Variants in SWT1 observed in about 807,000 individuals in gnomAD.
SWT1 encodes the protein SWT1 RNA endoribonuclease homolog.
SWT1 carries 33 observed loss-of-function variants against 107.3 expected under a neutral mutation model. The observed-to-expected ratio is 0.31, with a 90% CI of 0.23 to 0.41. The LOEUF (loss-of-function observed/expected upper bound fraction) is 0.41. SWT1 is among the 10% of genes least tolerant of loss of function. The pLI, the probability that SWT1 is intolerant of heterozygous loss-of-function variation, is 1.00. For synonymous variants in SWT1, 345 were observed against 348.3 expected (o/e 0.99, Z 0.11); for missense variants, 898 against 1,028.9 (o/e 0.87, Z 1.74).
rs1655370973 is a variant in SWT1 at position 185,174,520 on chromosome 1, C to T, written c.373C>T (p.His125Tyr). The T allele has an allele frequency of 5.0e-6, 8 of 1,610,378 alleles. No individual in the cohort carries two copies. Among genetic ancestry groups the T allele is most frequent in the Non-Finnish European group, 6.8e-6 (8 of 1,178,776 alleles). The change falls in exon 5 of 19, where the codon CAT (histidine) becomes TAT (tyrosine). Residue 125 changes from histidine (H) to tyrosine (Y), a missense_variant. His to Tyr is a moderately conservative substitution (Grantham distance 83). Transcript: ENST00000367500. ...PSSNGTKKDIHKCVDFKPKDI... is the reference protein window; with the variant it reads ...PSSNGTKKDIYKCVDFKPKDI... ...TTCAAATGGAACTAAAAAAGACATACATAAATGTGTAGACTTTAAACCTAA... is the reference window on the plus strand; with the variant it reads ...TTCAAATGGAACTAAAAAAGACATATATAAATGTGTAGACTTTAAACCTAA...
At chr1:185,224,872 AGTT>A (rs1257638389) in intron 15 of SWT1, among the ~76,000 whole-genome samples, 2 of 152,130 alleles carry the variant, frequency 1.3e-5, no homozygotes, top group Admixed American at 1.3e-4. Context: ...GAGTCTTAAG[AGTT>A]TTCCATATAT....
chr1:185,265,271 C>G (rs1285235579), intron 16 of SWT1, among the ~76,000 whole-genome samples: 4 of 152,124 alleles, frequency 2.6e-5, no homozygotes, highest in Non-Finnish European at 5.9e-5. Flanking sequence ...ATTGTTCTTT[C>G]ACCATTTTAA....
rs775398982 is a variant in SWT1, at chr1:185,174,818, C to T, written c.671C>T (p.Pro224Leu). 10 of 1,613,612 alleles carry T rather than the reference C, an allele frequency of 6.2e-6. No homozygotes were observed. Among genetic ancestry groups the T allele is most frequent in the South Asian group, 1.1e-5 (1 of 90,942 alleles). The change falls in exon 5 of 19, where the codon CCC becomes CTC. Residue 224 changes from proline to leucine, a missense_variant. Pro to Leu is a moderately conservative substitution (Grantham distance 98). This residue lies in a region of SWT1 where 382 missense variants were observed against 362.4 expected (regional missense o/e 1.05). Coordinates refer to ENST00000367500, the MANE Select transcript of SWT1 (RefSeq NM_017673.7). ...DYNSNKIIKE[P>L]LGSRRQKISF... ...AACTCCAACAAGATAATTAAGGAACCCTTGGGATCTAGAAGACAGAAGATC... is the reference window on the plus strand; with the variant it reads ...AACTCCAACAAGATAATTAAGGAACTCTTGGGATCTAGAAGACAGAAGATC...
At chr1:185,256,905 T>C (rs554736629) in intron 16 of SWT1, among the ~76,000 whole-genome samples, 17 of 152,296 alleles carry the variant, frequency 1.1e-4, no homozygotes, top group Admixed American at 1.1e-3. Context: ...TCCCCATCTT[T>C]GTGGTTTTAT....
At chr1:185,175,942 C>T (rs1655512372) in intron 5 of SWT1, among the ~76,000 whole-genome samples, 3 of 152,144 alleles carry the variant, frequency 2.0e-5, no homozygotes, top group Non-Finnish European at 2.9e-5. Flanking sequence ...AGAGAATACA[C>T]AGCAGGGGAT....
intron 10 of SWT1, among the ~76,000 whole-genome samples, 190 bp from the exon 11 acceptor site, chr1:185,202,464 T>TAC (rs1159074652): frequency 6.6e-6 from 1 of 152,028 alleles, no homozygotes; most frequent in East Asian, 1.9e-4. Context: ...TTTATATATA[T>TAC]ATATATAAAG....
intron 13 of SWT1, among the ~76,000 whole-genome samples, chr1:185,212,938 A>G (rs997391567): frequency 1.3e-5 from 2 of 152,210 alleles, no homozygotes; most frequent in African/African-American, 4.8e-5. Context: ...AATACCACGC[A>G]TGTATCCTTA....
At chr1:185,271,444 TG>T in intron 17 of SWT1, 55 bp downstream of exon 17, 1 of 928,100 alleles carries the variant, frequency 1.1e-6, no homozygotes, top group Non-Finnish European at 1.7e-6. Context: ...CAAATTTTAA[TG>T]TAAATAAACA....
chr1:185,204,281 G>GA (rs113043550), intron 11 of SWT1, among the ~76,000 whole-genome samples: 2,547 of 129,916 alleles, frequency 0.02, 59 homozygotes, highest in African/African-American at 0.066. Flanking sequence ...CGTCTCAAAA[G>GA]AAAAAAAAAA....
chr1:185,214,894 A>G (rs113498357), intron 14 of SWT1, among the ~76,000 whole-genome samples: 5 of 152,104 alleles, frequency 3.3e-5, no homozygotes, highest in African/African-American at 1.2e-4. Flanking sequence ...TATTATTTTC[A>G]CTTATGGATG....
intron 4 of SWT1, among the ~76,000 whole-genome samples, chr1:185,173,500 C>T (rs1385733393): frequency 6.9e-6 from 1 of 145,222 alleles, no homozygotes. Context: ...TTCGACCAGC[C>T]TGGGCAACAT....
chr1:185,157,567 C>T (rs973662280), intron 1 of SWT1: 1 of 149,754 alleles, frequency 6.7e-6, no homozygotes, highest in East Asian at 2.0e-4. Flanking sequence ...CCCGCGGGCC[C>T]GCGGCGGTTT....
At chr1:185,260,060 T>C (rs1662913857) in intron 16 of SWT1, among the ~76,000 whole-genome samples, 1 of 152,192 alleles carries the variant, frequency 6.6e-6, no homozygotes, top group Non-Finnish European at 1.5e-5. Flanking sequence ...AGCATACTTG[T>C]TATTTTTAAG....
intron 13 of SWT1, among the ~76,000 whole-genome samples, chr1:185,214,274 G>A (rs1322141490): frequency 6.6e-6 from 1 of 152,092 alleles, no homozygotes; most frequent in Non-Finnish European, 1.5e-5. Context: ...TGACCGTGCT[G>A]ACAGAACTCC....
At chr1:185,185,173 A>G (rs1357633964) in intron 9 of SWT1, among the ~76,000 whole-genome samples, 2 of 152,212 alleles carry the variant, frequency 1.3e-5, no homozygotes, top group Non-Finnish European at 2.9e-5. Flanking sequence ...TTGTGTATGC[A>G]TAATTATCTA....
At chr1:185,276,898 T>C (rs912980839) in intron 18 of SWT1, among the ~76,000 whole-genome samples, 7 of 152,210 alleles carry the variant, frequency 4.6e-5, no homozygotes, top group Non-Finnish European at 1.0e-4. Context: ...CTCAAGACTT[T>C]GTTACATTTT....
chr1:185,203,369 A>G (rs908978899), intron 11 of SWT1, among the ~76,000 whole-genome samples: 9 of 152,354 alleles, frequency 5.9e-5, no homozygotes, highest in Admixed American at 5.9e-4. Flanking sequence ...TACGCCTGTA[A>G]TCCCAGCACT....
chr1:185,219,778 C>T (rs894897399), intron 14 of SWT1, among the ~76,000 whole-genome samples: 7 of 151,830 alleles, frequency 4.6e-5, no homozygotes, highest in African/African-American at 9.7e-5. Flanking sequence ...TCTTAAATAC[C>T]GTACTTTTCA....
At chr1:185,256,959 G>C (rs181707754) in intron 16 of SWT1, among the ~76,000 whole-genome samples, 9 of 152,242 alleles carry the variant, frequency 5.9e-5, no homozygotes, top group Admixed American at 1.3e-4. Context: ...ATGGGTTTTT[G>C]ATGTGGCTGT....
Sources: allele counts gnomAD v4.1 joint callset (sites outside exome capture counted in the v4.1 genomes callset), GRCh38; gene constraint gnomAD v4.1.1; regional missense constraint gnomAD v4.1.1; transcripts MANE v1.5; gene names NCBI Gene and HGNC (gene_info 2026-07-23, HGNC 2026-07-21).